APOLD1: variants seen among roughly 807,000 people sequenced by gnomAD.
APOLD1 encodes apolipoprotein L domain containing 1.
A neutral mutation model predicts 15.3 loss-of-function variants in APOLD1; 22 were observed. The ratio of observed to expected loss-of-function variants is 1.44; its 90% CI spans 1.03 to 2.05. The LOEUF is 2.05. APOLD1 is among the 30% of genes most tolerant of loss of function. The probability of loss-of-function intolerance (pLI) is 0.00; values close to 1 mark genes in which losing one functional copy is unlikely to be tolerated. For synonymous variants in APOLD1, 190 were observed against 167.4 expected (o/e 1.13, Z -1.04); for missense variants, 394 against 353.5 (o/e 1.11, Z -0.92).
At chr12:12,762,635 G>T (rs1431460833) in intron 1 of APOLD1, among the ~76,000 whole-genome samples, 1 of 151,840 alleles carries the variant, frequency 6.6e-6, no homozygotes, top group Non-Finnish European at 1.5e-5. Context: ...TTACAGGTGT[G>T]AGCCACCACG....
intron 1 of APOLD1, among the ~76,000 whole-genome samples, chr12:12,779,892 T>C (rs747101938): frequency 6.6e-5 from 10 of 152,200 alleles, no homozygotes; most frequent in Non-Finnish European, 8.8e-5. Flanking sequence ...TTTGGAGGAA[T>C]GAAAATGGCT....
At chr12:12,774,524 T>G (rs1592306379) in intron 1 of APOLD1, among the ~76,000 whole-genome samples, 1 of 114,596 alleles carries the variant, frequency 8.7e-6, no homozygotes, top group East Asian at 2.5e-4. Flanking sequence ...CTGGCCTGGG[T>G]GACACAGCGA....
intron 1 of APOLD1, among the ~76,000 whole-genome samples, chr12:12,769,115 T>A (rs112116012): frequency 0.17 from 25,847 of 150,904 alleles, 3,040 homozygotes; most frequent in African/African-American, 0.34. Flanking sequence ...GTAGTCCCAG[T>A]TACTTGGGAG....
intron 1 of APOLD1, among the ~76,000 whole-genome samples, chr12:12,774,239 C>T (rs1453514983): frequency 6.6e-6 from 1 of 151,844 alleles, no homozygotes; most frequent in Non-Finnish European, 1.5e-5. Flanking sequence ...TCTTAAAACT[C>T]AACAATAAGA....
chr12:12,746,927 G>A (rs1331453814), intron 1 of APOLD1, among the ~76,000 whole-genome samples: 1 of 152,100 alleles, frequency 6.6e-6, no homozygotes, highest in Non-Finnish European at 1.5e-5. Context: ...ATTTGCTTAG[G>A]TTAATGGTCC....
At chr12:12,738,500 C>T (rs957525877) in intron 1 of APOLD1, among the ~76,000 whole-genome samples, 9 of 152,156 alleles carry the variant, frequency 5.9e-5, no homozygotes, top group Admixed American at 3.9e-4. Flanking sequence ...ACCACTGTGC[C>T]TGGTTAATTA....
At chr12:12,751,081 G>T (rs1166493452) in intron 1 of APOLD1, among the ~76,000 whole-genome samples, 4 of 151,920 alleles carry the variant, frequency 2.6e-5, no homozygotes, top group Non-Finnish European at 5.9e-5. Flanking sequence ...GAGCCACCAC[G>T]CCTGGCCCCT....
rs747735881 is a variant in APOLD1 at position 12,786,964 on chromosome 12, T to G, written c.59T>G (p.Phe20Cys). Residue 20 changes from phenylalanine to cysteine, a missense_variant, in exon 2 of 2, where the codon TTC (phenylalanine) becomes TGC (cysteine). By Grantham distance (205) the Phe-to-Cys change is radical. Transcript: ENST00000356591. ...CATGGGCCCGACGCGCTGCGGCGCT[T>G]CCAGGGACTGCTGCTGGACCGCCGA... ...EPHGPDALRR[F>C]QGLLLDRRGR... The G allele has an allele frequency of 2.1e-4, 306 of 1,459,512 alleles. No homozygotes were observed. Among genetic ancestry groups the G allele is most frequent in the Middle Eastern group, 6.9e-4 (3 of 4,354 alleles). 90.4% of individuals were successfully genotyped at this position (1,459,512 alleles called of 1,614,324 possible). A position where few individuals can be genotyped will look rare whatever the true frequency, so the allele number is the denominator to read the frequency against.
intron 1 of APOLD1, among the ~76,000 whole-genome samples, chr12:12,734,645 G>A (rs1033097090): frequency 6.6e-6 from 1 of 152,182 alleles, no homozygotes; most frequent in Non-Finnish European, 1.5e-5. Context: ...GGAAGCTAGA[G>A]TCCTGATTTT....
chr12:12,728,373 G>A (rs1411105264), intron 1 of APOLD1, among the ~76,000 whole-genome samples: 1 of 152,094 alleles, frequency 6.6e-6, no homozygotes, highest in African/African-American at 2.4e-5. Context: ...TATGGCAATA[G>A]GAAGACTGGA....
chr12:12,784,227 A>C (rs914365802), upstream of APOLD1, among the ~76,000 whole-genome samples: 7 of 152,176 alleles, frequency 4.6e-5, no homozygotes, highest in African/African-American at 1.7e-4. Flanking sequence ...AACCCAAAAC[A>C]CACAGGATGA....
chr12:12,736,652 G>A (rs1946689065), intron 1 of APOLD1, among the ~76,000 whole-genome samples: 2 of 152,194 alleles, frequency 1.3e-5, no homozygotes, highest in African/African-American at 4.8e-5. Flanking sequence ...TATCCCAATA[G>A]GACGTGGGAA....
intron 1 of APOLD1, among the ~76,000 whole-genome samples, chr12:12,743,423 T>A (rs982495580): frequency 1.3e-5 from 2 of 151,930 alleles, no homozygotes; most frequent in Non-Finnish European, 2.9e-5. Flanking sequence ...GAGAGCGGTT[T>A]GGATTATCCA....
chr12:12,766,871 CAACAA>C (rs1186259428), intron 1 of APOLD1, among the ~76,000 whole-genome samples: 1 of 151,898 alleles, frequency 6.6e-6, no homozygotes, highest in African/African-American at 2.4e-5. Flanking sequence ...CAAACTAAAA[CAACAA>C]AACAAAACAA....
chr12:12,737,877 C>T (rs1592290300), intron 1 of APOLD1, among the ~76,000 whole-genome samples: 1 of 152,248 alleles, frequency 6.6e-6, no homozygotes, highest in South Asian at 2.1e-4. Flanking sequence ...GGGTCGTTAT[C>T]TAGGGGGAGG....
At position 12,776,018 on chromosome 12, in the gene APOLD1, A is replaced by C. The variant is rs530550199; in HGVS notation, c.97-10891A>C. Reference sequence around the variant, plus strand: ...GACCCAGTCTCAAAAAAAAAAAAAAAAAAAAAAACACAACAAACAAACAAA... The same window carrying C: ...GACCCAGTCTCAAAAAAAAAAAAAACAAAAAAAACACAACAAACAAACAAA... On this transcript the variant is annotated intron_variant, in intron 1 of 1. Coordinates refer to the APOLD1 transcript ENST00000326765. Among the ~76,000 whole-genome samples, 167 of 150,870 alleles carry C rather than the reference A, an allele frequency of 1.1e-3. 1 individual carries two copies. The highest frequency in any genetic ancestry group is 3.9e-3 in the African/African-American group (159 of 41,272).
chr12:12,785,769 C>T, intron 1 of APOLD1, 75 bp downstream of exon 1: 1 of 1,449,590 alleles, frequency 6.9e-7, no homozygotes, highest in Non-Finnish European at 9.7e-7. Context: ...AAAATTATCC[C>T]TGGTGGGTTG....
intron 1 of APOLD1, among the ~76,000 whole-genome samples, chr12:12,768,449 C>G (rs976662329): frequency 6.6e-6 from 1 of 151,508 alleles, no homozygotes; most frequent in Non-Finnish European, 1.5e-5. Context: ...ACTGGGAAAC[C>G]TAGGGAGTCC....
chr12:12,781,230 G>A (rs549355333), upstream of APOLD1, among the ~76,000 whole-genome samples: 14 of 152,178 alleles, frequency 9.2e-5, no homozygotes, highest in South Asian at 2.3e-3. Flanking sequence ...ATCACCTGAG[G>A]TCAGGAGTTC....
Sources: allele counts gnomAD v4.1 joint callset (sites outside exome capture counted in the v4.1 genomes callset), GRCh38; gene constraint gnomAD v4.1.1; transcripts MANE v1.5; gene names NCBI Gene and HGNC (gene_info 2026-07-23, HGNC 2026-07-21).